The following HSD17B12 variants were observed in gnomAD, a reference collection of about 807,000 sequenced individuals.
The protein encoded by HSD17B12 is very-long-chain 3-oxoacyl-CoA reductase.
In HSD17B12, 32 loss-of-function variants were observed where a neutral mutation model predicts 39.3. The observed-to-expected ratio is 0.81, with a 90% confidence interval of 0.61 to 1.09. The LOEUF (loss-of-function observed/expected upper bound fraction) is 1.09. Among genes scored for constraint, HSD17B12 ranks in the 50% least tolerant of loss-of-function variants. The pLI is 0.00. For missense variants in HSD17B12, 342 were observed against 382.9 expected, an observed-to-expected ratio of 0.89 and a Z score of 0.89; for synonymous variants, 150 against 146.7, an observed-to-expected ratio of 1.02 and a Z score of -0.16.
At chr11:43,850,601 G>C (rs1951521542) in intron 9 of HSD17B12, among the ~76,000 whole-genome samples, 1 of 152,206 alleles carries the variant, frequency 6.6e-6, no homozygotes, top group Admixed American at 6.5e-5. Flanking sequence ...ACCATGTTAA[G>C]TTCCAAGGTT....
intron 4 of HSD17B12, among the ~76,000 whole-genome samples, chr11:43,799,063 C>T (rs921085597): frequency 1.3e-5 from 2 of 152,130 alleles, no homozygotes; most frequent in African/African-American, 4.8e-5. Context: ...GGTGCTGACT[C>T]ATTTACATAC....
At chr11:43,784,311 T>G (rs1161256954) in intron 3 of HSD17B12, among the ~76,000 whole-genome samples, 1 of 138,020 alleles carries the variant, frequency 7.2e-6, no homozygotes, top group Non-Finnish European at 1.5e-5. Context: ...ATATTATTAT[T>G]ATTATTATTA....
intron 1 of HSD17B12, among the ~76,000 whole-genome samples, chr11:43,702,448 T>G (rs1440472927): frequency 6.6e-6 from 1 of 152,238 alleles, no homozygotes; most frequent in African/African-American, 2.4e-5. Context: ...CCGTTCTGTA[T>G]GATGCTGGCT....
At chr11:43,620,850 G>A in the HSD17B12 span, among the ~76,000 whole-genome samples, 1 of 152,156 alleles carries the variant, frequency 6.6e-6, no homozygotes, top group Non-Finnish European at 1.5e-5. Flanking sequence ...AAAGACATCT[G>A]CACAGAAGTT....
At chr11:43,691,297 A>G (rs915289324) in intron 1 of HSD17B12, among the ~76,000 whole-genome samples, 2 of 152,178 alleles carry the variant, frequency 1.3e-5, no homozygotes, top group African/African-American at 4.8e-5. Context: ...CAGTCCTCTC[A>G]GATTTTCACC....
At chr11:43,619,164 G>GAT in the HSD17B12 span, among the ~76,000 whole-genome samples, 9,204 of 58,224 alleles carry the variant, frequency 0.16, 839 homozygotes, top group East Asian at 0.37. Flanking sequence ...GTATATATAT[G>GAT]ATATATATAT....
the HSD17B12 span, among the ~76,000 whole-genome samples, chr11:43,586,558 T>A: frequency 1.3e-5 from 2 of 152,180 alleles, no homozygotes; most frequent in Admixed American, 6.5e-5. Context: ...AGGATCTCCT[T>A]TATAAGCAAG....
chr11:43,619,244 AAAT>A, the HSD17B12 span, among the ~76,000 whole-genome samples: 5,704 of 44,446 alleles, frequency 0.13, 340 homozygotes, highest in East Asian at 0.17. Context: ...TATATATATA[AAAT>A]ATATATATAT....
At chr11:43,602,324 G>C in the HSD17B12 span, among the ~76,000 whole-genome samples, 2 of 152,180 alleles carry the variant, frequency 1.3e-5, no homozygotes, top group African/African-American at 4.8e-5. Flanking sequence ...TGAAATAACA[G>C]CTTGGGAGTG....
intron 3 of HSD17B12, among the ~76,000 whole-genome samples, chr11:43,772,963 T>C (rs1950664050): frequency 6.6e-6 from 1 of 151,994 alleles, no homozygotes; most frequent in African/African-American, 2.4e-5. Context: ...TACAAAAAAA[T>C]AGCTGGGTGC....
chr11:43,654,063 C>T, the HSD17B12 span, among the ~76,000 whole-genome samples: 2 of 151,970 alleles, frequency 1.3e-5, no homozygotes, highest in Non-Finnish European at 2.9e-5. Flanking sequence ...CCTGTTGTTT[C>T]CTGACTTTTT....
chr11:43,699,925 A>G (rs1050220453), intron 1 of HSD17B12, among the ~76,000 whole-genome samples: 3 of 152,234 alleles, frequency 2.0e-5, no homozygotes, highest in African/African-American at 4.8e-5. Context: ...GTGAGATATC[A>G]TCTTACCCAG....
At chr11:43,610,482 C>G in the HSD17B12 span, among the ~76,000 whole-genome samples, 1 of 152,234 alleles carries the variant, frequency 6.6e-6, no homozygotes, top group South Asian at 2.1e-4. Context: ...AGTCAAGGTA[C>G]TTAGAAGGAA....
At chr11:43,748,663 G>A (rs1950438200) in intron 1 of HSD17B12, among the ~76,000 whole-genome samples, 1 of 152,094 alleles carries the variant, frequency 6.6e-6, no homozygotes, top group African/African-American at 2.4e-5. Context: ...TGAGGTTGGA[G>A]GAGATTTTAT....
chr11:43,630,285 T>TA, the HSD17B12 span, among the ~76,000 whole-genome samples: 3 of 152,194 alleles, frequency 2.0e-5, no homozygotes, highest in Non-Finnish European at 4.4e-5. Flanking sequence ...CCCTGTCAAT[T>TA]AAAAAAAGTG....
intron 5 of HSD17B12, 74 bp downstream of exon 5, chr11:43,815,575 C>T: frequency 1.1e-6 from 1 of 869,746 alleles, no homozygotes; most frequent in African/African-American, 1.6e-5. Flanking sequence ...CACACTATGA[C>T]ACTGGAGTCC....
At chr11:43,675,489 G>A in the HSD17B12 span, among the ~76,000 whole-genome samples, 1 of 152,108 alleles carries the variant, frequency 6.6e-6, no homozygotes, top group Non-Finnish European at 1.5e-5. Context: ...GCACAGGAGA[G>A]GGTGGTCCGT....
intron 1 of HSD17B12, among the ~76,000 whole-genome samples, chr11:43,730,658 T>C (rs1435828934): frequency 6.6e-6 from 1 of 152,234 alleles, no homozygotes; most frequent in African/African-American, 2.4e-5. Flanking sequence ...GTTTTGAAGT[T>C]CTTGACTAGG....
At chr11:43,820,712 T>G (rs1951174266) in intron 6 of HSD17B12, among the ~76,000 whole-genome samples, 1 of 152,196 alleles carries the variant, frequency 6.6e-6, no homozygotes, top group Non-Finnish European at 1.5e-5. Flanking sequence ...ATCTCCTCAC[T>G]AAACTACATG....
Sources: allele counts gnomAD v4.1 joint callset (sites outside exome capture counted in the v4.1 genomes callset), GRCh38; gene constraint gnomAD v4.1.1; transcripts MANE v1.5; gene names NCBI Gene and HGNC (gene_info 2026-07-23, HGNC 2026-07-21).